Variants in TBCCD1 observed in about 807,000 individuals in gnomAD.
The protein encoded by TBCCD1 is TBCC domain containing 1, also known as TBCC domain-containing protein 1.
Under a neutral mutation model 53.4 loss-of-function variants are expected in TBCCD1, and 26 were observed. That is an observed-to-expected ratio of 0.49 (90% CI 0.36 to 0.68). The LOEUF is 0.68. Among genes scored for constraint, TBCCD1 ranks in the 30% least tolerant of loss-of-function variants. TBCCD1 has a pLI of 0.00. For missense variants in TBCCD1, 558 were observed against 669.5 expected (o/e 0.83, Z 1.84); for synonymous variants, 245 against 241.7 (o/e 1.01, Z -0.13).
intron 4 of TBCCD1, 42 bp downstream of exon 4, chr3:186,556,367 G>A (rs778556326): frequency 6.4e-7 from 1 of 1,564,014 alleles, no homozygotes. Flanking sequence ...GGTTCCTTAA[G>A]TTGTCATTCA....
intron 6 of TBCCD1, chr3:186,553,543 T>A (rs1384605062): frequency 6.6e-6 from 1 of 152,214 alleles, no homozygotes. Context: ...TAGGTGTGAA[T>A]CCTGGCTCCT....
intron 2 of TBCCD1, 42 bp downstream of exon 2, chr3:186,563,952 C>A (rs201467259): frequency 4.4e-5 from 66 of 1,501,702 alleles, no homozygotes; most frequent in Non-Finnish European, 4.8e-5. Context: ...AGAATGGTTT[C>A]TTTCCAAAAG....
At chr3:186,548,229 T>A (rs1301466461) in intron 7 of TBCCD1, among the ~76,000 whole-genome samples, 1 of 152,216 alleles carries the variant, frequency 6.6e-6, no homozygotes, top group Non-Finnish European at 1.5e-5. Context: ...CATGGATGAA[T>A]CTTGAAAACA....
intron 1 of TBCCD1, among the ~76,000 whole-genome samples, chr3:186,566,545 CT>C (rs1238785841): frequency 1.3e-5 from 2 of 152,212 alleles, no homozygotes; most frequent in African/African-American, 4.8e-5. Context: ...AGGGATTTCC[CT>C]AAGGACACCT....
intron 1 of TBCCD1, among the ~76,000 whole-genome samples, chr3:186,565,109 C>CTTTTTTTTTTTT (rs370017010): frequency 8.0e-6 from 1 of 124,752 alleles, no homozygotes; most frequent in African/African-American, 3.1e-5. Context: ...TCTTCTTCTT[C>CTTTTTTTTTTTT]TTTTTTTTTT....
At chr3:186,569,872 C>G (rs898333388), upstream of TBCCD1, among the ~76,000 whole-genome samples, 1 of 152,094 alleles carries the variant, frequency 6.6e-6, no homozygotes, top group Non-Finnish European at 1.5e-5. Flanking sequence ...TTGTCCTGAT[C>G]AACTAGGTGT....
chr3:186,550,312 C>T (rs35199157), intron 7 of TBCCD1, among the ~76,000 whole-genome samples: 17,968 of 151,504 alleles, frequency 0.12, 1,167 homozygotes, highest in Non-Finnish European at 0.16. Context: ...GGGCTGGGCG[C>T]AGTGGTTTAT....
chr3:186,559,583 C>T (rs1412330652), intron 2 of TBCCD1, among the ~76,000 whole-genome samples: 1 of 152,182 alleles, frequency 6.6e-6, no homozygotes, highest in South Asian at 2.1e-4. Context: ...GCTATATTCA[C>T]CCTGATTCCC....
At chr3:186,560,140 AT>A (rs1013693424) in intron 2 of TBCCD1, among the ~76,000 whole-genome samples, 1 of 131,850 alleles carries the variant, frequency 7.6e-6, no homozygotes, top group Non-Finnish European at 1.6e-5. Context: ...CATGGAGACT[AT>A]AGGATCCTTG....
At chr3:186,553,093 T>C (rs1714425434) in intron 6 of TBCCD1, among the ~76,000 whole-genome samples, 1 of 152,214 alleles carries the variant, frequency 6.6e-6, no homozygotes, top group Non-Finnish European at 1.5e-5. Context: ...ATTTCTGTCT[T>C]CCTATATTCC....
chr3:186,565,255 C>A (rs1214531484), intron 1 of TBCCD1, among the ~76,000 whole-genome samples: 1 of 151,800 alleles, frequency 6.6e-6, no homozygotes, highest in Non-Finnish European at 1.5e-5. Flanking sequence ...GGACTACAGG[C>A]GTCCACCACC....
intron 3 of TBCCD1, among the ~76,000 whole-genome samples, chr3:186,557,846 G>A (rs1300508579): frequency 6.6e-6 from 1 of 152,026 alleles, no homozygotes; most frequent in Admixed American, 6.6e-5. Context: ...CTTGTACATG[G>A]CATTAATACT....
In TBCCD1 at chr3:186,554,562, C is replaced by G. The variant is rs1439973646; in HGVS notation, c.1236G>C (p.Gln412His). 1.2e-6 allele frequency: 2 copies of G among 1,614,108 alleles called. No individual in the cohort carries two copies. Among genetic ancestry groups the G allele is most frequent in the African/African-American group, 2.7e-5 (2 of 74,928 alleles). ...TATGAAAAGGGGCAAAAGTTACTGT[C>G]TGGTTCCCAGAGAGAATAAGTGGGC... ...PTRPLILSGN[Q>H]TVTFAPFHTH... Residue 412 changes from glutamine to histidine, a missense_variant, in exon 6 of 8, where the codon CAG becomes CAC. Gln to His is a conservative substitution (Grantham distance 24). Coordinates refer to ENST00000338733, the MANE Select transcript of TBCCD1 (RefSeq NM_018138.5).
At chr3:186,565,059 C>T (rs34712537) in intron 1 of TBCCD1, among the ~76,000 whole-genome samples, 17,949 of 150,786 alleles carry the variant, frequency 0.12, 1,167 homozygotes, top group Middle Eastern at 0.16. Context: ...CACAATCCCA[C>T]AAGTAAAGGG....
chr3:186,564,904 C>T lies in TBCCD1; in HGVS notation c.-43-532G>A, dbSNP rs565253393. 1.3e-4 allele frequency among the ~76,000 whole-genome samples: 20 copies of T among 152,202 alleles called. No homozygotes were observed. In the South Asian group the frequency reaches 4.1e-3, roughly 32 times the overall value. ...AAGAATAGATCAGGAGAAGTTACAG[C>T]ATCTTTATTCTCTATAACAGTGAAC... On this transcript the variant is annotated intron_variant, in intron 1 of 7. Transcript: ENST00000338733.
At chr3:186,552,721 C>G (rs1353543872) in intron 6 of TBCCD1, among the ~76,000 whole-genome samples, 1 of 152,218 alleles carries the variant, frequency 6.6e-6, no homozygotes, top group Non-Finnish European at 1.5e-5. Context: ...TTCCTTTTAA[C>G]ACCTGTTTAC....
At chr3:186,558,335 T>G in intron 3 of TBCCD1, 82 bp downstream of exon 3, 3 of 1,486,672 alleles carry the variant, frequency 2.0e-6, no homozygotes, top group Non-Finnish European at 2.7e-6. Context: ...GTAAGAAATC[T>G]CATCATAATT....
rs1374631437 is a variant in TBCCD1 at position 186,564,024 on chromosome 3, A to C, written c.306T>G (p.Ser102=). The C allele has an allele frequency of 2.5e-6, 4 of 1,612,538 alleles. No individual in the cohort carries two copies. The African/African-American group carries it at 4.0e-5, about 16-fold the overall frequency. ...EWSEVLSNCM[S]EEEVEKQRNQ... ...TTCTCTGCTTTTCAACTTCCTCCTC[A>C]GACATGCAGTTGGACAGAACCTCAG... is the stretch of plus-strand genomic sequence containing the variant. Residue 102 remains serine (S), a synonymous_variant, in exon 2 of 8, where the codon TCT becomes TCG. Transcript: ENST00000338733.
chr3:186,561,630 A>G (rs1381598155), intron 2 of TBCCD1, among the ~76,000 whole-genome samples: 6 of 152,178 alleles, frequency 3.9e-5, no homozygotes, highest in African/African-American at 1.4e-4. Flanking sequence ...CTATTAAAAA[A>G]TACACAAAAC....
Sources: allele counts gnomAD v4.1 joint callset (sites outside exome capture counted in the v4.1 genomes callset), GRCh38; gene constraint gnomAD v4.1.1; transcripts MANE v1.5; gene names NCBI Gene and HGNC (gene_info 2026-07-23, HGNC 2026-07-21).